The following CD70 variants were observed in gnomAD, a reference collection of about 807,000 sequenced individuals.
The protein encoded by CD70 is CD70 antigen.
A neutral mutation model predicts 9.0 loss-of-function variants in CD70; 6 were observed. The observed-to-expected ratio is 0.67, with a 90% CI of 0.37 to 1.32. The LOEUF (loss-of-function observed/expected upper bound fraction) is 1.32. Ranked by LOEUF, CD70 falls within the 40% of genes most tolerant of loss-of-function variation. CD70 has a pLI of 0.02. For missense variants in CD70, 235 were observed against 258.7 expected (o/e 0.91, Z 0.63); for synonymous variants, 108 against 112.3 (o/e 0.96, Z 0.24).
At chr19:6,587,476 G>C (rs1272764364) in intron 2 of CD70, among the ~76,000 whole-genome samples, 2 of 152,022 alleles carry the variant, frequency 1.3e-5, no homozygotes, top group Non-Finnish European at 2.9e-5. Context: ...GGGAGTGAGC[G>C]AGAGAGTGCC....
chr19:6,583,536 T>A (rs1488053480), downstream of CD70: 4 of 536,208 alleles, frequency 7.5e-6, no homozygotes, highest in Non-Finnish European at 1.3e-5. Context: ...CTGAACTAAC[T>A]TTTTGTTAAT....
Position 6,586,301 on chromosome 19 carries a change from C to A in CD70, c.301G>T (p.Asp101Tyr). Residue 101 changes from aspartate to tyrosine, a missense_variant, in exon 3 of 3, where the codon GAT (aspartate) becomes TAT (tyrosine). Asp to Tyr is a radical substitution (Grantham distance 160). Coordinates refer to ENST00000245903, the MANE Select transcript of CD70 (RefSeq NM_001252.5). ...LDKGQLRIHR[D>Y]GIYMVHIQVT... ...TGGATGTGTACCATGTAGATGCCATCACGATGGATACGTAGCTGCCCCTTG... is the reference window on the plus strand; with the variant it reads ...TGGATGTGTACCATGTAGATGCCATAACGATGGATACGTAGCTGCCCCTTG... 6.2e-7 allele frequency: 1 copy of A among 1,613,816 alleles called. No homozygotes were observed. Among genetic ancestry groups the A allele is most frequent in the Non-Finnish European group, 8.5e-7 (1 of 1,180,026 alleles).
chr19:6,584,192 G>A (rs573920703), downstream of CD70, among the ~76,000 whole-genome samples: 21 of 148,152 alleles, frequency 1.4e-4, no homozygotes, highest in African/African-American at 5.1e-4. Context: ...ATGCTGTCCC[G>A]ACCTCACTGA....
downstream of CD70, among the ~76,000 whole-genome samples, chr19:6,582,016 C>A (rs1915925796): frequency 6.9e-6 from 1 of 144,184 alleles, no homozygotes; most frequent in Admixed American, 7.4e-5. Flanking sequence ...TTCCAAAATC[C>A]AGTGGGGCAG....
chr19:6,583,340 G>A (rs1915954565), downstream of CD70: 2 of 700,766 alleles, frequency 2.9e-6, no homozygotes, highest in Non-Finnish European at 5.2e-6. Flanking sequence ...TGTGAAATGG[G>A]AACAATGATG....
chr19:6,583,685 A>G (rs563522204), downstream of CD70, among the ~76,000 whole-genome samples: 1 of 150,476 alleles, frequency 6.6e-6, no homozygotes, highest in South Asian at 2.1e-4. Context: ...CAGCCTCCCT[A>G]GTAGCATGGA....
chr19:6,586,125 C>A lies in CD70; in HGVS notation c.477G>T (p.Thr159=), dbSNP rs778323980. The A allele has an allele frequency of 2.5e-6, 4 of 1,613,946 alleles. No homozygotes were observed. The South Asian group carries it at 4.4e-5, about 18-fold the overall frequency. ...AGAGTGTGTCCCCTCGGGCCAGGGG[C>A]GTCAGGCGCTGGGAGGCAATGGTAC... ...QGCTIASQRL[T]PLARGDTLCT... The change falls in exon 3 of 3, where the codon ACG becomes ACT. Residue 159 remains threonine, a synonymous_variant. Coordinates refer to ENST00000245903, the MANE Select transcript of CD70 (RefSeq NM_001252.5).
At chr19:6,584,602 G>A (rs1401701278), downstream of CD70, among the ~76,000 whole-genome samples, 1 of 149,856 alleles carries the variant, frequency 6.7e-6, no homozygotes, top group Non-Finnish European at 1.5e-5. Flanking sequence ...GCTCATGCCT[G>A]TAATCCCAGC....
chr19:6,588,059 T>G (rs72982521), intron 2 of CD70, among the ~76,000 whole-genome samples: 17,045 of 152,184 alleles, frequency 0.11, 1,069 homozygotes, highest in Admixed American at 0.15. Flanking sequence ...CCGCAACTTA[T>G]CTGACTGACA....
downstream of CD70, among the ~76,000 whole-genome samples, chr19:6,585,343 A>C (rs1238646775): frequency 8.1e-6 from 1 of 122,888 alleles, no homozygotes; most frequent in Non-Finnish European, 1.8e-5. Flanking sequence ...AGGAGAAAAC[A>C]GAACTTTTTT....
At chr19:6,583,399 G>A (rs1223882035), downstream of CD70, 1 of 701,812 alleles carries the variant, frequency 1.4e-6, no homozygotes, top group Admixed American at 2.0e-5. Context: ...GAGTTAATGG[G>A]ATAAAACAGT....
intron 2 of CD70, among the ~76,000 whole-genome samples, chr19:6,588,669 C>T (rs969201562): frequency 1.3e-5 from 2 of 152,124 alleles, no homozygotes; most frequent in African/African-American, 4.8e-5. Context: ...GCCGCGACTC[C>T]ACTTTAAATG....
chr19:6,586,914 A>AAC (rs1455545196), intron 2 of CD70, among the ~76,000 whole-genome samples: 1 of 151,156 alleles, frequency 6.6e-6, no homozygotes, highest in Non-Finnish European at 1.5e-5. Flanking sequence ...AAAAAAAAAA[A>AAC]AAAAAAAACA....
Position 6,589,260 on chromosome 19 carries a change from T to C in CD70, c.196+843A>G, listed in dbSNP as rs112476552. On this transcript the variant is annotated intron_variant, in intron 2 of 2. Transcript: ENST00000245903. The stretch of plus-strand genomic sequence containing the variant: ...CTCTCTCTGGCTTTCTTTCTTTTCT[T>C]TCTCTTATTTCTTTTTTTCTCTTTC... Among the ~76,000 whole-genome samples the C allele has an allele frequency of 1.6e-3, 241 of 150,354 alleles. 4 individuals are homozygous for C. Among genetic ancestry groups the C allele is most frequent in the East Asian group, 0.013 (67 of 5,090 alleles).
intron 2 of CD70, among the ~76,000 whole-genome samples, chr19:6,587,993 C>T (rs1386190686): frequency 1.3e-5 from 2 of 152,166 alleles, no homozygotes; most frequent in Admixed American, 6.6e-5. Context: ...GGATCACAGC[C>T]GGGAGCCAAG....
chr19:6,589,743 G>A (rs1026382971), intron 2 of CD70, among the ~76,000 whole-genome samples: 2 of 149,148 alleles, frequency 1.3e-5, no homozygotes, highest in Non-Finnish European at 3.0e-5. Flanking sequence ...CTCTTTCTCC[G>A]TCTCTCTCCC....
Position 6,586,224 on chromosome 19 carries a change from G to T in CD70, c.378C>A (p.Thr126=). 10 of 1,614,080 alleles carry T rather than the reference G, an allele frequency of 6.2e-6. No individual in the cohort carries two copies. Among genetic ancestry groups the T allele is most frequent in the Non-Finnish European group, 8.5e-6 (10 of 1,179,994 alleles). The change falls in exon 3 of 3, where the codon ACC becomes ACA. Residue 126 remains threonine (T), a synonymous_variant. Transcript: ENST00000245903. ...GAGAGCAGATTCCCACGGCCAGGGT[G>T]GTGGGGTGGTGCCTGGAGGCCGTCG... The part of the protein sequence containing the change: ...SSTTASRHHP[T]TLAVGICSPA...
In CD70 at chr19:6,588,917, C is replaced by T. The variant is rs187805640; in HGVS notation, c.196+1186G>A. 8.5e-5 allele frequency among the ~76,000 whole-genome samples: 13 copies of T among 152,316 alleles called. No individual in the cohort carries two copies. The East Asian group carries it at 2.5e-3, about 29-fold the overall frequency. ...GCAGTACCGGAACAGTGCCTGCCCACTGCAGATGTATAATTAGTGCTTGTA... is the reference window on the plus strand; with the variant it reads ...GCAGTACCGGAACAGTGCCTGCCCATTGCAGATGTATAATTAGTGCTTGTA... On this transcript the variant is annotated intron_variant, in intron 2 of 2. Transcript: ENST00000245903.
In CD70 at chr19:6,591,007, G is replaced by C; in HGVS notation, c.-5C>G. ...GCCCGAACCCTCCTCCGGCATCGCC[G>C]CGGCGATCACCTCCGCTAGCGCAGG... On this transcript the variant is annotated 5_prime_UTR_variant, in exon 1 of 3. Coordinates refer to ENST00000245903, the MANE Select transcript of CD70 (RefSeq NM_001252.5). The C allele has an allele frequency of 6.3e-7, 1 of 1,588,302 alleles. No homozygotes were observed. The highest frequency in any genetic ancestry group is 8.6e-7 in the Non-Finnish European group (1 of 1,164,406).
Sources: gnomAD v4.1 joint callset for allele counts (sites outside exome capture counted in the v4.1 genomes callset) on GRCh38, gnomAD v4.1.1 for gene constraint, MANE v1.5 for transcripts, NCBI Gene and HGNC (gene_info 2026-07-23, HGNC 2026-07-21) for gene names.